The following ANKS1B variants were observed in gnomAD, a reference collection of about 807,000 sequenced individuals.
ANKS1B encodes the protein ankyrin repeat and sterile alpha motif domain-containing protein 1B.
A neutral mutation model predicts 148.3 loss-of-function variants in ANKS1B; 36 were observed. That is an observed-to-expected ratio of 0.24 (90% CI 0.19 to 0.32). ANKS1B has a LOEUF of 0.32. Among genes scored for constraint, ANKS1B ranks in the 10% least tolerant of loss-of-function variants. The pLI, the probability that ANKS1B is intolerant of heterozygous loss-of-function variation, is 1.00. For missense variants in ANKS1B, 1,157 were observed against 1,542.6 expected, an observed-to-expected ratio of 0.75 and a Z score of 4.19; for synonymous variants, 542 against 560.8, an observed-to-expected ratio of 0.97 and a Z score of 0.47.
chr12:99,524,309 G>A (rs890364474), intron 9 of ANKS1B, among the ~76,000 whole-genome samples: 5 of 152,150 alleles, frequency 3.3e-5, no homozygotes, highest in African/African-American at 7.2e-5. Context: ...GGAGCATCAC[G>A]TAACAGTGGT....
intron 10 of ANKS1B, among the ~76,000 whole-genome samples, chr12:99,467,533 G>A (rs1404897572): frequency 6.6e-6 from 1 of 152,202 alleles, no homozygotes; most frequent in African/African-American, 2.4e-5. Context: ...TGTATATCTA[G>A]AAAACCCCAC....
At chr12:99,010,577 G>A (rs1368792848) in intron 17 of ANKS1B, among the ~76,000 whole-genome samples, 1 of 151,988 alleles carries the variant, frequency 6.6e-6, no homozygotes, top group East Asian at 1.9e-4. Flanking sequence ...TATTTTGCAG[G>A]TGAGAAAACT....
chr12:99,110,877 C>T (rs182279325), intron 15 of ANKS1B, among the ~76,000 whole-genome samples: 35 of 152,286 alleles, frequency 2.3e-4, no homozygotes, highest in African/African-American at 7.7e-4. Flanking sequence ...TTGATTGCCC[C>T]ATTATGTTTC....
intron 14 of ANKS1B, among the ~76,000 whole-genome samples, chr12:99,232,073 A>G (rs1211207042): frequency 6.6e-6 from 1 of 152,078 alleles, no homozygotes; most frequent in Non-Finnish European, 1.5e-5. Context: ...GAGAAGCAAA[A>G]GCTTAGAAAG....
At chr12:99,704,758 T>C (rs1567680070) in intron 8 of ANKS1B, among the ~76,000 whole-genome samples, 2 of 152,090 alleles carry the variant, frequency 1.3e-5, no homozygotes, top group African/African-American at 4.8e-5. Flanking sequence ...TCTAGCTAAA[T>C]CTCTAGAAAG....
intron 25 of ANKS1B, among the ~76,000 whole-genome samples, chr12:98,758,142 C>T (rs2098306228): frequency 6.6e-6 from 1 of 151,974 alleles, no homozygotes; most frequent in Non-Finnish European, 1.5e-5. Flanking sequence ...TACTATGTGG[C>T]CATGCACCAT....
intron 16 of ANKS1B, among the ~76,000 whole-genome samples, chr12:99,054,934 A>T (rs947082022): frequency 1.3e-4 from 20 of 152,230 alleles, no homozygotes; most frequent in African/African-American, 4.6e-4. Context: ...TCACTTTTAC[A>T]TTGACTGACC....
intron 15 of ANKS1B, among the ~76,000 whole-genome samples, chr12:99,119,682 T>C (rs1454611726): frequency 1.3e-5 from 2 of 152,146 alleles, no homozygotes; most frequent in Non-Finnish European, 1.5e-5. Flanking sequence ...CCTACCTACT[T>C]ACAAGTTGAA....
intron 17 of ANKS1B, among the ~76,000 whole-genome samples, chr12:98,988,830 T>C (rs1342960052): frequency 6.6e-6 from 1 of 152,220 alleles, no homozygotes; most frequent in Non-Finnish European, 1.5e-5. Context: ...ATGGTTTTGA[T>C]TTGAATTTCC....
At chr12:99,595,976 T>A (rs2097755630) in intron 9 of ANKS1B, among the ~76,000 whole-genome samples, 1 of 151,906 alleles carries the variant, frequency 6.6e-6, no homozygotes. Flanking sequence ...ATGGCATCTG[T>A]GAAATATGAG....
At chr12:99,389,263 A>T (rs2093976971) in intron 12 of ANKS1B, among the ~76,000 whole-genome samples, 1 of 152,238 alleles carries the variant, frequency 6.6e-6, no homozygotes, top group Non-Finnish European at 1.5e-5. Context: ...CTGCGTTTGA[A>T]GGGCCTGGCC....
At chr12:98,854,705 A>G (rs2099552787) in intron 17 of ANKS1B, among the ~76,000 whole-genome samples, 2 of 152,240 alleles carry the variant, frequency 1.3e-5, no homozygotes, top group South Asian at 2.1e-4. Flanking sequence ...AAGGCAGGAT[A>G]GCATTGCAGA....
intron 17 of ANKS1B, among the ~76,000 whole-genome samples, chr12:98,933,647 T>C (rs1316340792): frequency 1.3e-5 from 2 of 152,120 alleles, no homozygotes; most frequent in African/African-American, 4.8e-5. Context: ...TTTCTCCACA[T>C]TCTTGACATT....
chr12:98,889,739 A>G (rs1274841489), intron 17 of ANKS1B, among the ~76,000 whole-genome samples: 1 of 152,188 alleles, frequency 6.6e-6, no homozygotes, highest in East Asian at 1.9e-4. Flanking sequence ...TTGATAACAG[A>G]CCATTAAATT....
At chr12:99,471,056 A>C (rs1205944648) in intron 10 of ANKS1B, among the ~76,000 whole-genome samples, 1 of 152,150 alleles carries the variant, frequency 6.6e-6, no homozygotes, top group Admixed American at 6.6e-5. Context: ...TGCATTTCAT[A>C]TGCGTTCATA....
At chr12:99,331,419 C>CAGCT (rs1194282282) in intron 12 of ANKS1B, among the ~76,000 whole-genome samples, 2 of 152,004 alleles carry the variant, frequency 1.3e-5, no homozygotes, top group Non-Finnish European at 2.9e-5. Context: ...CAACCTCCTG[C>CAGCT]AGCTGCCAGC....
chr12:99,182,738 C>A (rs1056749131), intron 14 of ANKS1B, among the ~76,000 whole-genome samples: 1 of 152,134 alleles, frequency 6.6e-6, no homozygotes, highest in Non-Finnish European at 1.5e-5. Flanking sequence ...AACCTCCAAA[C>A]CGTTCTGCAT....
At position 99,739,045 on chromosome 12, in the gene ANKS1B, C is replaced by T. The variant is rs74928960; in HGVS notation, c.1128+33877G>A. On this transcript the variant is annotated intron_variant, in intron 8 of 26. Coordinates refer to ENST00000683438, the MANE Select transcript of ANKS1B (RefSeq NM_001352186.2). ...AGACTTAGGCAAAGGTTAGGAATTA[C>T]TTCCCTCACTCCATTCAGGGAGGGT... Among the ~76,000 whole-genome samples the T allele has an allele frequency of 5.0e-3, 755 of 152,166 alleles. 10 individuals are homozygous for T. Among genetic ancestry groups the T allele is most frequent in the African/African-American group, 0.017 (722 of 41,524 alleles).
At chr12:99,307,954 G>A (rs1470224634) in intron 12 of ANKS1B, among the ~76,000 whole-genome samples, 1 of 151,962 alleles carries the variant, frequency 6.6e-6, no homozygotes, top group Non-Finnish European at 1.5e-5. Context: ...TTCTATGGAG[G>A]ACTCCCTCGA....
Sources: gnomAD v4.1 joint callset for allele counts (sites outside exome capture counted in the v4.1 genomes callset) on GRCh38, gnomAD v4.1.1 for gene constraint, MANE v1.5 for transcripts, NCBI Gene and HGNC (gene_info 2026-07-23, HGNC 2026-07-21) for gene names.